The following USP34 variants were observed in gnomAD, a reference collection of about 807,000 sequenced individuals.
USP34 encodes the protein ubiquitin specific peptidase 34.
In USP34, 70 loss-of-function variants were observed where a neutral mutation model predicts 460.3. The ratio of observed to expected loss-of-function variants is 0.15; its 90% CI spans 0.13 to 0.19. The LOEUF is 0.19. Among genes scored for constraint, USP34 ranks in the 10% least tolerant of loss-of-function variants. The pLI, the probability that USP34 is intolerant of heterozygous loss-of-function variation, is 1.00. For missense variants in USP34, 3,985 were observed against 4,236.2 expected, an observed-to-expected ratio of 0.94 and a Z score of 1.65; for synonymous variants, 1,647 against 1,405.3, an observed-to-expected ratio of 1.17 and a Z score of -3.85.
chr2:61,452,709 C>T (rs1695319714), intron 1 of USP34, among the ~76,000 whole-genome samples: 2 of 149,992 alleles, frequency 1.3e-5, no homozygotes, highest in Admixed American at 6.7e-5. Context: ...CACAAAGAGG[C>T]CCTGTCTCCA....
At chr2:61,403,294 T>G (rs17542592) in intron 3 of USP34, among the ~76,000 whole-genome samples, 12,735 of 152,124 alleles carry the variant, frequency 0.084, 681 homozygotes, top group Non-Finnish European at 0.12. Context: ...GAAAAAACAC[T>G]GATGAGCAAG....
chr2:61,326,979 G>T (rs938891298), intron 20 of USP34, among the ~76,000 whole-genome samples: 5 of 151,578 alleles, frequency 3.3e-5, no homozygotes, highest in African/African-American at 9.7e-5. Context: ...TAGAAATATG[G>T]TGTCACCACA....
At chr2:61,432,070 G>C (rs1017526082) in intron 1 of USP34, among the ~76,000 whole-genome samples, 1 of 151,896 alleles carries the variant, frequency 6.6e-6, no homozygotes, top group Admixed American at 6.6e-5. Flanking sequence ...GCCAGGGGTA[G>C]CAGCTCACGC....
At chr2:61,324,922 G>A (rs1055460692) in intron 21 of USP34, among the ~76,000 whole-genome samples, 3 of 152,040 alleles carry the variant, frequency 2.0e-5, no homozygotes. Flanking sequence ...CATGAAAAAA[G>A]AATGAAATCA....
chr2:61,238,492 A>G (rs1688138177), intron 53 of USP34, among the ~76,000 whole-genome samples: 1 of 152,164 alleles, frequency 6.6e-6, no homozygotes, highest in Non-Finnish European at 1.5e-5. Flanking sequence ...TATTATCTGT[A>G]AGAATCATTA....
chr2:61,449,840 G>C (rs1695218583), intron 1 of USP34, among the ~76,000 whole-genome samples: 2 of 152,178 alleles, frequency 1.3e-5, no homozygotes, highest in Non-Finnish European at 2.9e-5. Context: ...GGCTGAGGTG[G>C]GTGGATCACG....
intron 51 of USP34, 44 bp downstream of exon 51, chr2:61,245,166 C>T (rs371580579): frequency 1.9e-5 from 28 of 1,490,954 alleles, no homozygotes; most frequent in African/African-American, 2.8e-5. Context: ...TGACAAAGCA[C>T]TTGGAAGGAC....
chr2:61,294,736 T>A (rs902075061), intron 32 of USP34, among the ~76,000 whole-genome samples: 2 of 152,118 alleles, frequency 1.3e-5, no homozygotes, highest in Non-Finnish European at 2.9e-5. Context: ...AGTATTTCAA[T>A]AGAGGGAAAA....
At chr2:61,279,931 G>T (rs1350485574) in intron 39 of USP34, among the ~76,000 whole-genome samples, 1 of 152,110 alleles carries the variant, frequency 6.6e-6, no homozygotes, top group African/African-American at 2.4e-5. Flanking sequence ...TGCTATTATA[G>T]AAAGCTGTAT....
At chr2:61,384,105 C>T (rs1239751017) in intron 5 of USP34, among the ~76,000 whole-genome samples, 1 of 152,096 alleles carries the variant, frequency 6.6e-6, no homozygotes, top group Non-Finnish European at 1.5e-5. Flanking sequence ...GTATCTGAAG[C>T]AAATATATTT....
chr2:61,438,708 T>C (rs1694885392), intron 1 of USP34, among the ~76,000 whole-genome samples: 1 of 152,156 alleles, frequency 6.6e-6, no homozygotes, highest in South Asian at 2.1e-4. Context: ...CCCACAGCTA[T>C]CATCTTACTC....
At chr2:61,448,447 C>A (rs755197804) in intron 1 of USP34, among the ~76,000 whole-genome samples, 5 of 152,188 alleles carry the variant, frequency 3.3e-5, no homozygotes, top group African/African-American at 4.8e-5. Flanking sequence ...GAGTGAGGCC[C>A]TGTCTCAAGG....
intron 39 of USP34, 81 bp from the exon 40 acceptor site, chr2:61,278,524 T>A (rs1359582691): frequency 8.2e-6 from 9 of 1,101,380 alleles, no homozygotes; most frequent in Non-Finnish European, 1.1e-5. Flanking sequence ...ATCATTTCCT[T>A]ATAGGTAACA....
intron 57 of USP34, among the ~76,000 whole-genome samples, chr2:61,235,463 C>T (rs1340713558): frequency 5.9e-5 from 9 of 151,706 alleles, no homozygotes; most frequent in Admixed American, 4.6e-4. Context: ...GGTGCTGGGA[C>T]TACAGGCATG....
At chr2:61,242,441 C>T (rs1214736872) in intron 51 of USP34, among the ~76,000 whole-genome samples, 1 of 139,216 alleles carries the variant, frequency 7.2e-6, no homozygotes, top group Non-Finnish European at 1.5e-5. Context: ...AGGTAAGAGT[C>T]AACCAAAGAT....
chr2:61,464,818 T>C (rs144166280), intron 1 of USP34, among the ~76,000 whole-genome samples: 33 of 152,238 alleles, frequency 2.2e-4, no homozygotes, highest in African/African-American at 7.7e-4. Flanking sequence ...ACTAGTGAGT[T>C]TGCTATGGTG....
chr2:61,380,467 C>A (rs1198836564), intron 6 of USP34, 106 bp from the exon 7 acceptor site: 6 of 1,156,150 alleles, frequency 5.2e-6, no homozygotes, highest in Non-Finnish European at 5.9e-6. Context: ...TTTTTGTGTC[C>A]AAAACCCACA....
intron 10 of USP34, among the ~76,000 whole-genome samples, chr2:61,352,482 C>A (rs937382286): frequency 5.9e-5 from 9 of 151,724 alleles, no homozygotes; most frequent in African/African-American, 2.2e-4. Flanking sequence ...TATTAATCTG[C>A]CACTTGGTTA....
chr2:61,373,378 T>TA lies in USP34; in HGVS notation c.1077-2800dup, dbSNP rs1490207341. Among the ~76,000 whole-genome samples, 4 of 151,378 alleles carry TA rather than the reference T, an allele frequency of 2.6e-5. No homozygotes were observed. In the East Asian group the frequency reaches 5.8e-4, roughly 22 times the overall value. ...AGATTATATGACTAGTTTTTTTTTT[T>TA]AAAGATCCAACTATATGCTACCCCC... On this transcript the variant is annotated intron_variant, in intron 8 of 79. Coordinates refer to ENST00000398571, the MANE Select transcript of USP34 (RefSeq NM_014709.4).
Sources: gnomAD v4.1 joint callset for allele counts (sites outside exome capture counted in the v4.1 genomes callset) on GRCh38, gnomAD v4.1.1 for gene constraint, MANE v1.5 for transcripts, NCBI Gene and HGNC (gene_info 2026-07-23, HGNC 2026-07-21) for gene names.